The following NKAIN3 variants were observed in gnomAD, a reference collection of about 807,000 sequenced individuals.
The protein encoded by NKAIN3 is sodium/potassium-transporting ATPase subunit beta-1-interacting protein 3.
Under a neutral mutation model 30.2 loss-of-function variants are expected in NKAIN3, and 25 were observed. The ratio of observed to expected loss-of-function variants is 0.83; its 90% CI spans 0.60 to 1.16. The LOEUF is 1.16. Ranked by LOEUF, NKAIN3 falls within the 50% of genes most tolerant of loss-of-function variation. NKAIN3 has a pLI of 0.00. For missense variants in NKAIN3, 225 were observed against 254.1 expected, an observed-to-expected ratio of 0.89 and a Z score of 0.78; for synonymous variants, 91 against 89.6, an observed-to-expected ratio of 1.02 and a Z score of -0.09.
intron 1 of NKAIN3, among the ~76,000 whole-genome samples, chr8:62,495,666 T>G (rs1342105518): frequency 1.3e-5 from 2 of 151,956 alleles, no homozygotes; most frequent in African/African-American, 2.4e-5. Flanking sequence ...TATAGATAGT[T>G]GATTGAAAAG....
intron 5 of NKAIN3, among the ~76,000 whole-genome samples, chr8:62,939,687 T>C (rs983769779): frequency 6.6e-6 from 1 of 152,250 alleles, no homozygotes; most frequent in Non-Finnish European, 1.5e-5. Flanking sequence ...ATATAGTCTT[T>C]TCAGACAAAA....
intron 1 of NKAIN3, among the ~76,000 whole-genome samples, chr8:62,269,252 A>G (rs537177023): frequency 6.6e-6 from 1 of 152,318 alleles, no homozygotes; most frequent in East Asian, 1.9e-4. Flanking sequence ...TGCCTTAGCT[A>G]GGCTTTCCTG....
rs1312512493 is a variant in NKAIN3, at chr8:62,975,966, G to T, written c.*10559G>T. On this transcript the variant is annotated 3_prime_UTR_variant, in exon 7 of 7. Transcript: ENST00000623646. ...CCCAGGAGTCATTCAGAAGCAGGTT[G>T]TTCAGTTTCCATGTAGTTGTGTGGT... Among the ~76,000 whole-genome samples the T allele has an allele frequency of 6.6e-6, 1 of 152,188 alleles. No individual in the cohort carries two copies. Among genetic ancestry groups the T allele is most frequent in the Non-Finnish European group, 1.5e-5 (1 of 68,030 alleles).
chr8:62,521,073 T>G (rs976205596), intron 1 of NKAIN3, among the ~76,000 whole-genome samples: 1 of 151,518 alleles, frequency 6.6e-6, no homozygotes, highest in African/African-American at 2.4e-5. Flanking sequence ...TAAGAAAAAA[T>G]TTCTCTCTAT....
intron 1 of NKAIN3, among the ~76,000 whole-genome samples, chr8:62,379,740 A>AT (rs1817209354): frequency 6.6e-6 from 1 of 152,150 alleles, no homozygotes; most frequent in Non-Finnish European, 1.5e-5. Context: ...TTCTTTGTAA[A>AT]TTACCCAGTC....
At chr8:62,735,385 T>G (rs1815624622) in intron 3 of NKAIN3, among the ~76,000 whole-genome samples, 1 of 148,106 alleles carries the variant, frequency 6.8e-6, no homozygotes, top group Admixed American at 6.7e-5. Flanking sequence ...TTTCTTTTTT[T>G]TTTTTTTTTG....
intron 4 of NKAIN3, among the ~76,000 whole-genome samples, chr8:62,883,770 T>C (rs1456345884): frequency 6.6e-6 from 1 of 152,090 alleles, no homozygotes; most frequent in Non-Finnish European, 1.5e-5. Context: ...TTTCTTTTCT[T>C]CTACTTACTT....
At chr8:62,264,952 C>T (rs1223730279) in intron 1 of NKAIN3, among the ~76,000 whole-genome samples, 7 of 152,068 alleles carry the variant, frequency 4.6e-5, no homozygotes, top group Non-Finnish European at 8.8e-5. Context: ...ATGATCTGAC[C>T]TTTTCCACCC....
chr8:62,541,056 T>C (rs918479853), intron 1 of NKAIN3, among the ~76,000 whole-genome samples: 2 of 152,110 alleles, frequency 1.3e-5, no homozygotes. Flanking sequence ...ATGCTTTTAA[T>C]CCCAGAACTT....
At chr8:62,840,553 C>G (rs561246817) in intron 4 of NKAIN3, among the ~76,000 whole-genome samples, 14 of 151,952 alleles carry the variant, frequency 9.2e-5, no homozygotes, top group Non-Finnish European at 1.8e-4. Context: ...GTCCAGATTG[C>G]TTGAGAGGCT....
intron 4 of NKAIN3, among the ~76,000 whole-genome samples, chr8:62,766,912 C>A (rs1448093103): frequency 6.6e-6 from 1 of 151,412 alleles, no homozygotes; most frequent in African/African-American, 2.4e-5. Context: ...TCAGCCCCAC[C>A]CCCCGACCCC....
At chr8:62,285,008 T>C (rs1813332353) in intron 1 of NKAIN3, among the ~76,000 whole-genome samples, 1 of 152,160 alleles carries the variant, frequency 6.6e-6, no homozygotes, top group Non-Finnish European at 1.5e-5. Flanking sequence ...GGTTCAGGAA[T>C]ATACTAGAAT....
At chr8:62,763,047 C>G (rs1816717688) in intron 4 of NKAIN3, among the ~76,000 whole-genome samples, 1 of 151,004 alleles carries the variant, frequency 6.6e-6, no homozygotes, top group Non-Finnish European at 1.5e-5. Context: ...ATGGTGAAAC[C>G]CCATCTCTAC....
At chr8:62,921,529 A>T (rs1465324808) in intron 5 of NKAIN3, among the ~76,000 whole-genome samples, 4 of 152,164 alleles carry the variant, frequency 2.6e-5, no homozygotes, top group Non-Finnish European at 1.5e-5. Flanking sequence ...CTTCTTAGTT[A>T]CCTCTCAGCC....
intron 1 of NKAIN3, among the ~76,000 whole-genome samples, chr8:62,375,069 A>G (rs963212045): frequency 6.6e-6 from 1 of 152,232 alleles, no homozygotes; most frequent in African/African-American, 2.4e-5. Flanking sequence ...AATGAAAATG[A>G]ATTATTTGAA....
intron 5 of NKAIN3, among the ~76,000 whole-genome samples, chr8:62,929,034 C>T (rs1392594054): frequency 2.0e-5 from 3 of 152,268 alleles, no homozygotes; most frequent in African/African-American, 7.2e-5. Flanking sequence ...GAGAAGAGGA[C>T]ATGTAGGCTA....
chr8:62,914,175 G>A (rs1406105200), intron 4 of NKAIN3, among the ~76,000 whole-genome samples: 2 of 152,080 alleles, frequency 1.3e-5, no homozygotes, highest in East Asian at 1.9e-4. Context: ...AAAAAATAAC[G>A]AAATCGTATC....
intron 4 of NKAIN3, among the ~76,000 whole-genome samples, chr8:62,893,865 G>A (rs1468983306): frequency 6.6e-6 from 1 of 152,184 alleles, no homozygotes; most frequent in Non-Finnish European, 1.5e-5. Context: ...TGAGTTTGTT[G>A]TAAAACAGAG....
rs116454999 is a variant in NKAIN3, at chr8:62,345,186, T to G, written c.54+96059T>G. 7.5e-3 allele frequency among the ~76,000 whole-genome samples: 1,135 copies of G among 151,724 alleles called. 17 individuals carry two copies. The highest frequency in any genetic ancestry group is 0.026 in the African/African-American group (1,081 of 41,422). ...CCTGGAACTTTACCACATTTATTTA[T>G]TAATTAAAACGGTTTTTTGGTGGTG... On this transcript the variant is annotated intron_variant, in intron 1 of 6. Transcript: ENST00000623646.
Sources: gnomAD v4.1 joint callset for allele counts (sites outside exome capture counted in the v4.1 genomes callset) on GRCh38, gnomAD v4.1.1 for gene constraint, MANE v1.5 for transcripts, NCBI Gene and HGNC (gene_info 2026-07-23, HGNC 2026-07-21) for gene names.